The following ADAMTS18 variants were observed in gnomAD, a reference collection of about 807,000 sequenced individuals.
ADAMTS18 encodes the protein ADAM metallopeptidase with thrombospondin type 1 motif 18, also known as A disintegrin and metalloproteinase with thrombospondin motifs 18.
A neutral mutation model predicts 165.9 loss-of-function variants in ADAMTS18; 157 were observed. That is an observed-to-expected ratio of 0.95 (90% confidence interval 0.83 to 1.08). The LOEUF is 1.08. Ranked by LOEUF, ADAMTS18 falls within the 50% of genes least tolerant of loss-of-function variation. The pLI, the probability that ADAMTS18 is intolerant of heterozygous loss-of-function variation, is 0.00. For missense variants in ADAMTS18, 2,040 were observed against 1,534.0 expected (o/e 1.33, Z -5.51); for synonymous variants, 782 against 578.2 (o/e 1.35, Z -5.06).
intron 4 of ADAMTS18, 125 bp from the exon 5 acceptor site, chr16:77,364,506 A>C: frequency 9.6e-7 from 1 of 1,036,718 alleles, no homozygotes; most frequent in Non-Finnish European, 1.4e-6. Flanking sequence ...ATCCACTAAC[A>C]AGTGATGCTA....
chr16:77,298,635 GA>G (rs1407322506), intron 17 of ADAMTS18, among the ~76,000 whole-genome samples: 1 of 151,694 alleles, frequency 6.6e-6, no homozygotes, highest in Non-Finnish European at 1.5e-5. Flanking sequence ...CTATAAAAAA[GA>G]AAAAAACGGG....
At chr16:77,334,626 T>C (rs1412625784) in intron 12 of ADAMTS18, among the ~76,000 whole-genome samples, 2 of 111,694 alleles carry the variant, frequency 1.8e-5, no homozygotes, top group East Asian at 5.1e-4. Flanking sequence ...ATAGTATATA[T>C]ACTATAGTAT....
At chr16:77,382,041 G>C (rs2144772455) in intron 3 of ADAMTS18, among the ~76,000 whole-genome samples, 1 of 152,110 alleles carries the variant, frequency 6.6e-6, no homozygotes, top group Non-Finnish European at 1.5e-5. Context: ...CGTACTTTCA[G>C]GGCAGAACTG....
Position 77,283,140 on chromosome 16 carries a change from G to C in ADAMTS18, c.*816C>G, listed in dbSNP as rs541687830. On this transcript the variant is annotated 3_prime_UTR_variant, in exon 23 of 23. Coordinates refer to ENST00000282849, the MANE Select transcript of ADAMTS18 (RefSeq NM_199355.4). ...TGGGTATGTAGCATTCCCAAAGAGCGGGCTGTAGCTTTTCATGGACTGATT... is the reference window on the plus strand; with the variant it reads ...TGGGTATGTAGCATTCCCAAAGAGCCGGCTGTAGCTTTTCATGGACTGATT... 1 of 152,292 alleles carries C rather than the reference G, an allele frequency of 6.6e-6. No homozygotes were observed. Among genetic ancestry groups the C allele is most frequent in the African/African-American group, 2.4e-5 (1 of 41,338 alleles). The allele number at this position is 152,292 out of a possible 1,614,324, so 9.4% of individuals were successfully genotyped here.
At chr16:77,413,318 C>T (rs538262705) in intron 3 of ADAMTS18, among the ~76,000 whole-genome samples, 24 of 152,144 alleles carry the variant, frequency 1.6e-4, no homozygotes, top group Non-Finnish European at 2.1e-4. Context: ...AAGACAGGCT[C>T]TAACTCTCCA....
chr16:77,393,716 T>C, intron 3 of ADAMTS18, among the ~76,000 whole-genome samples: 1 of 152,282 alleles, frequency 6.6e-6, no homozygotes, highest in East Asian at 1.9e-4. Flanking sequence ...TCCAGAACTG[T>C]GAGAAATACA....
chr16:77,293,856 C>T (rs1322683934), intron 19 of ADAMTS18, among the ~76,000 whole-genome samples: 1 of 151,354 alleles, frequency 6.6e-6, no homozygotes, highest in Non-Finnish European at 1.5e-5. Context: ...GGAGTTTAGT[C>T]TGTGATGCTG....
In ADAMTS18 at chr16:77,347,053, A is replaced by G. The variant is rs139160859; in HGVS notation, c.1615-5254T>C. Reference sequence around the variant, plus strand: ...TTCTCTTAAATTTCATATAAATGGAACCATACAGAATGTACTCTTTTGTTC... The same window carrying G: ...TTCTCTTAAATTTCATATAAATGGAGCCATACAGAATGTACTCTTTTGTTC... On this transcript the variant is annotated intron_variant, in intron 10 of 22. Transcript: ENST00000282849. Among the ~76,000 whole-genome samples, 22 of 152,244 alleles carry G rather than the reference A, an allele frequency of 1.4e-4. No individual in the cohort carries two copies. The East Asian group carries it at 4.3e-3, about 29-fold the overall frequency.
chr16:77,373,552 G>C (rs543690310), intron 3 of ADAMTS18, among the ~76,000 whole-genome samples: 2 of 152,116 alleles, frequency 1.3e-5, no homozygotes, highest in East Asian at 3.9e-4. Context: ...GGATTATGAA[G>C]ACTTGGGAGA....
Position 77,283,680 on chromosome 16 carries a change from C to T in ADAMTS18, c.*276G>A. 2 of 408,544 alleles carry T rather than the reference C, an allele frequency of 4.9e-6. No individual in the cohort carries two copies. Among genetic ancestry groups the T allele is most frequent in the South Asian group, 2.4e-5 (1 of 41,292 alleles). 25.3% of individuals were successfully genotyped at this position (408,544 alleles called of 1,614,324 possible). ...AATCGACGTATCTCAGTGTGATTCACCACTTCTTGCATATAACAGTGCAAA... is the reference window on the plus strand; with the variant it reads ...AATCGACGTATCTCAGTGTGATTCATCACTTCTTGCATATAACAGTGCAAA... On this transcript the variant is annotated 3_prime_UTR_variant, in exon 23 of 23. Coordinates refer to ENST00000282849, the MANE Select transcript of ADAMTS18 (RefSeq NM_199355.4).
At chr16:77,327,546 G>A (rs896675167) in intron 12 of ADAMTS18, among the ~76,000 whole-genome samples, 1 of 152,126 alleles carries the variant, frequency 6.6e-6, no homozygotes, top group African/African-American at 2.4e-5. Context: ...TATAGACCAT[G>A]GACTACTACC....
At chr16:77,380,189 T>A (rs2144768800) in intron 3 of ADAMTS18, among the ~76,000 whole-genome samples, 1 of 152,322 alleles carries the variant, frequency 6.6e-6, no homozygotes, top group African/African-American at 2.4e-5. Context: ...CAACATTAAC[T>A]AACATGACTT....
intron 3 of ADAMTS18, among the ~76,000 whole-genome samples, chr16:77,380,282 T>C (rs894893513): frequency 1.2e-4 from 19 of 152,224 alleles, no homozygotes; most frequent in Non-Finnish European, 2.5e-4. Context: ...ACTATAACCG[T>C]CTGTACGGAT....
At chr16:77,331,669 T>G (rs1597132062) in intron 12 of ADAMTS18, among the ~76,000 whole-genome samples, 1 of 152,020 alleles carries the variant, frequency 6.6e-6, no homozygotes, top group African/African-American at 2.4e-5. Flanking sequence ...GTTTGGTGGG[T>G]GGTGGGAAGA....
rs372059084 is a variant in ADAMTS18, at chr16:77,414,668, A to C, written c.495+16627T>G. ...AAATAGGAGATTTCATGGGGGAATA[A>C]AACAAACTTCTGTTGTCATTATTTA... On this transcript the variant is annotated intron_variant, in intron 3 of 22. Transcript: ENST00000282849. Among the ~76,000 whole-genome samples the C allele has an allele frequency of 1.3e-3, 197 of 152,340 alleles. 3 individuals are homozygous for C. The South Asian group carries it at 0.037, about 29-fold the overall frequency.
At chr16:77,422,725 T>G (rs1025755670) in intron 3 of ADAMTS18, among the ~76,000 whole-genome samples, 8 of 152,194 alleles carry the variant, frequency 5.3e-5, no homozygotes, top group Non-Finnish European at 8.8e-5. Flanking sequence ...TATTTTTTTA[T>G]GCTTAACATA....
Position 77,434,447 on chromosome 16 carries a change from C to A in ADAMTS18, c.149G>T (p.Ser50Ile). ...ASVAAALASD[S>I]SSGASGLNDD... The stretch of plus-strand genomic sequence containing the variant: ...ATTTAATCCGCTGGCGCCGCTGCTG[C>A]TGTCACTGGCTAAGGCCGCGGCGAC... Residue 50 changes from serine (S) to isoleucine (I), a missense_variant, in exon 2 of 23, where the codon AGC becomes ATC. Physicochemically the swap from Ser to Ile is moderately radical, Grantham distance 142 (BLOSUM62 -2). Coordinates refer to ENST00000282849, the MANE Select transcript of ADAMTS18 (RefSeq NM_199355.4). 1 of 1,573,796 alleles carries A rather than the reference C, an allele frequency of 6.4e-7. No homozygotes were observed. Among genetic ancestry groups the A allele is most frequent in the Non-Finnish European group, 8.6e-7 (1 of 1,165,528 alleles).
At chr16:77,354,002 A>C in intron 9 of ADAMTS18, 116 bp from the exon 10 acceptor site, 4 of 1,272,806 alleles carry the variant, frequency 3.1e-6, no homozygotes, top group Non-Finnish European at 4.6e-6. Context: ...TTCTAGAAAC[A>C]GGTATATGTT....
chr16:77,367,935 G>A (rs2056822849), intron 3 of ADAMTS18, among the ~76,000 whole-genome samples: 1 of 152,126 alleles, frequency 6.6e-6, no homozygotes, highest in Admixed American at 6.5e-5. Flanking sequence ...GGAGAGCAGT[G>A]GCACAAACAT....
Sources: gnomAD v4.1 joint callset for allele counts (sites outside exome capture counted in the v4.1 genomes callset) on GRCh38, gnomAD v4.1.1 for gene constraint, MANE v1.5 for transcripts, NCBI Gene and HGNC (gene_info 2026-07-23, HGNC 2026-07-21) for gene names.